POGZ: variants seen among roughly 807,000 people sequenced by gnomAD.
POGZ encodes the protein pogo transposable element derived with ZNF domain.
In POGZ, 17 loss-of-function variants were observed where a neutral mutation model predicts 134.6. The ratio of observed to expected loss-of-function variants is 0.13; its 90% CI spans 0.09 to 0.19. POGZ has a LOEUF of 0.19. POGZ is among the 10% of genes least tolerant of loss of function. POGZ has a pLI of 1.00. For missense variants in POGZ, 1,306 were observed against 1,769.7 expected (o/e 0.74, Z 4.70); for synonymous variants, 693 against 657.1 (o/e 1.05, Z -0.84).
chr1:151,458,994 G>A (rs1663171638), intron 1 of POGZ, among the ~76,000 whole-genome samples, 158 bp downstream of exon 1: 1 of 144,010 alleles, frequency 6.9e-6, no homozygotes, highest in African/African-American at 2.5e-5. Context: ...CTCGCGGTGG[G>A]CGGGGGCGCG....
At chr1:151,407,077 C>A (rs1425093221) in intron 16 of POGZ, 54 bp from the exon 17 acceptor site, 1 of 1,426,084 alleles carries the variant, frequency 7.0e-7, no homozygotes, top group Non-Finnish European at 9.8e-7. Flanking sequence ...ACACTTGAGA[C>A]CATTAAGCTT....
chr1:151,451,782 C>A (rs1211811136), intron 1 of POGZ, among the ~76,000 whole-genome samples: 4 of 151,694 alleles, frequency 2.6e-5, no homozygotes, highest in African/African-American at 7.3e-5. Flanking sequence ...TTCTATAAAA[C>A]TAATAGAAGT....
rs1464750574 is a variant in POGZ at position 151,442,162 on chromosome 1, ACTC to A, written c.40_42del (p.Glu14del). The A allele has an allele frequency of 1.2e-6, 2 of 1,612,926 alleles. No individual in the cohort carries two copies. The highest frequency in any genetic ancestry group is 1.7e-6 in the Non-Finnish European group (2 of 1,179,040). On this transcript the variant is annotated inframe_deletion, in exon 2 of 19. Coordinates refer to ENST00000271715, the MANE Select transcript of POGZ (RefSeq NM_015100.4). ...TCACTGATTTTCTGCCATGGCTCCAACTCCTCCTCCTCACATTCCATGAACAGG... is the reference window on the plus strand; with the variant it reads ...TCACTGATTTTCTGCCATGGCTCCAACTCCTCCTCACATTCCATGAACAGG...
In POGZ at chr1:151,404,190, AGAAG is replaced by A. The variant is rs1251470414; in HGVS notation, c.*608_*611del. 7.1e-6 allele frequency: 7 copies of A among 985,598 alleles called. No individual in the cohort carries two copies. The highest frequency in any genetic ancestry group is 8.4e-6 in the Non-Finnish European group (7 of 829,852). 61.1% of individuals were successfully genotyped at this position (985,598 alleles called of 1,614,324 possible). On this transcript the variant is annotated 3_prime_UTR_variant, in exon 19 of 19. Coordinates refer to ENST00000271715, the MANE Select transcript of POGZ (RefSeq NM_015100.4). ...TCTGGAGAGGGAAGGAAAGAAAAGG[AGAAG>A]GAAGAGAGAGTTCAGTGGGACTTTT... is the stretch of plus-strand genomic sequence containing the variant.
rs574727527 is a variant in POGZ, at chr1:151,406,776, A to G, written c.2545+135T>C. 4.1e-6 allele frequency: 4 copies of G among 966,770 alleles called. No individual in the cohort carries two copies. The African/African-American group carries it at 6.5e-5, about 16-fold the overall frequency. The allele number at this position is 966,770 out of a possible 1,614,324, so 59.9% of individuals were successfully genotyped here. A position where few individuals can be genotyped will look rare whatever the true frequency, so the allele number is the denominator to read the frequency against. ...CAGTTTTATATAAACTTCAGGTCGG[A>G]AGGTTTCTAATTAGGTCCAGCACAT... On this transcript the variant is annotated intron_variant, in intron 17 of 18. Transcript: ENST00000271715.
At position 151,403,828 on chromosome 1, in the gene POGZ, TAACAGG is replaced by T; in HGVS notation, c.*968_*973del. 1.0e-6 allele frequency: 1 copy of T among 985,502 alleles called. No individual in the cohort carries two copies. The highest frequency in any genetic ancestry group is 1.2e-6 in the Non-Finnish European group (1 of 829,948). 61.0% of individuals were successfully genotyped at this position (985,502 alleles called of 1,614,324 possible). On this transcript the variant is annotated 3_prime_UTR_variant, in exon 19 of 19. Transcript: ENST00000271715. Reference sequence around the variant, plus strand: ...CCCTTAAACAGGCATGCTCTCCATCTAACAGGATGAAGTTCAGTAAAGCAGGGACTG... The same window carrying T: ...CCCTTAAACAGGCATGCTCTCCATCTATGAAGTTCAGTAAAGCAGGGACTG...
chr1:151,407,213 C>A (rs1465911817), intron 16 of POGZ, 22 bp downstream of exon 16: 2 of 1,539,790 alleles, frequency 1.3e-6, no homozygotes, highest in Non-Finnish European at 1.8e-6. Flanking sequence ...AATTAAGATG[C>A]TGCCAATAAG....
intron 1 of POGZ, among the ~76,000 whole-genome samples, chr1:151,453,803 A>C (rs1375944412): frequency 6.6e-6 from 1 of 152,236 alleles, no homozygotes; most frequent in Non-Finnish European, 1.5e-5. Context: ...ATGGTAGTCT[A>C]TACTAAGGCC....
chr1:151,443,267 CCTTA>C (rs1174531475), intron 1 of POGZ, among the ~76,000 whole-genome samples: 4 of 152,152 alleles, frequency 2.6e-5, no homozygotes, highest in Non-Finnish European at 5.9e-5. Flanking sequence ...AAGATGAGAA[CCTTA>C]CTTGTCATAC....
chr1:151,448,622 G>C (rs1661597831), intron 1 of POGZ, among the ~76,000 whole-genome samples: 1 of 152,140 alleles, frequency 6.6e-6, no homozygotes, highest in Non-Finnish European at 1.5e-5. Context: ...TGAGGTGGGA[G>C]AACTGCTTGA....
intron 1 of POGZ, among the ~76,000 whole-genome samples, chr1:151,445,665 T>C (rs1661167230): frequency 6.6e-6 from 1 of 151,566 alleles, no homozygotes; most frequent in African/African-American, 2.4e-5. Flanking sequence ...ACTCAGAAAA[T>C]ATTAGGTCTG....
At position 151,428,051 on chromosome 1, in the gene POGZ, C is replaced by A; in HGVS notation, c.860-10G>T. The stretch of plus-strand genomic sequence containing the variant: ...GAGGGGAAGGAGGGAGCTACGGTGA[C>A]CAAGTGATAATCATCTGTTCTCCAC... On this transcript the variant is annotated splice_polypyrimidine_tract_variant and intron_variant, in intron 6 of 18. Transcript: ENST00000271715. 1 of 1,613,980 alleles carries A rather than the reference C, an allele frequency of 6.2e-7. No homozygotes were observed. Among genetic ancestry groups the A allele is most frequent in the Non-Finnish European group, 8.5e-7 (1 of 1,179,834 alleles).
At chr1:151,408,294 T>C (rs1218949638) in intron 14 of POGZ, 54 bp from the exon 15 acceptor site, 3 of 1,593,818 alleles carry the variant, frequency 1.9e-6, no homozygotes, top group African/African-American at 1.4e-5. Context: ...GTCCCCAAAA[T>C]GTAGGATTTT....
At chr1:151,438,493 AAAATTAGTACACTGGCC>A (rs1357688770) in intron 3 of POGZ, among the ~76,000 whole-genome samples, 1 of 152,126 alleles carries the variant, frequency 6.6e-6, no homozygotes, top group African/African-American at 2.4e-5. Context: ...TTTTTTAGAA[AAAATTAGTACACTGGCC>A]ATAGGCAGGC....
intron 4 of POGZ, 51 bp downstream of exon 4, chr1:151,430,611 GAGGT>G: frequency 7.2e-7 from 1 of 1,379,498 alleles, no homozygotes; most frequent in Non-Finnish European, 1.0e-6. Flanking sequence ...AGAGTTTTCA[GAGGT>G]TTATAGTCTT....
intron 10 of POGZ, among the ~76,000 whole-genome samples, chr1:151,419,689 A>AAAC (rs1278429816): frequency 2.7e-5 from 4 of 149,360 alleles, no homozygotes; most frequent in Admixed American, 1.3e-4. Flanking sequence ...AAAAAAAAAA[A>AAAC]AAAAAACTAC....
chr1:151,457,308 T>C (rs1380612463), intron 1 of POGZ, among the ~76,000 whole-genome samples: 2 of 152,222 alleles, frequency 1.3e-5, no homozygotes, highest in Non-Finnish European at 1.5e-5. Flanking sequence ...TGAACACTTT[T>C]ATGTTAGACC....
intron 10 of POGZ, among the ~76,000 whole-genome samples, chr1:151,421,299 C>T (rs914926959): frequency 7.3e-5 from 11 of 151,498 alleles, no homozygotes; most frequent in African/African-American, 2.7e-4. Flanking sequence ...AATCCCACTT[C>T]CCTTGCCAAT....
chr1:151,459,117 G>A (rs537488462), intron 1 of POGZ, 35 bp downstream of exon 1: 4 of 151,548 alleles, frequency 2.6e-5, no homozygotes, highest in South Asian at 2.1e-4. Flanking sequence ...CGGGAGCAGG[G>A]GGTGGGGAGA....
Sources: allele counts gnomAD v4.1 joint callset (sites outside exome capture counted in the v4.1 genomes callset), GRCh38; gene constraint gnomAD v4.1.1; transcripts MANE v1.5; gene names NCBI Gene and HGNC (gene_info 2026-07-23, HGNC 2026-07-21).